Variants in PHLDB2 observed in about 807,000 individuals in gnomAD.
PHLDB2 encodes pleckstrin homology like domain family B member 2, also known as pleckstrin homology-like domain family B member 2.
PHLDB2 carries 71 observed loss-of-function variants against 123.6 expected under a neutral mutation model. That is an observed-to-expected ratio of 0.57 (90% CI 0.47 to 0.70). PHLDB2 has a LOEUF of 0.70. PHLDB2 is among the 30% of genes least tolerant of loss of function. The pLI, the probability that PHLDB2 is intolerant of heterozygous loss-of-function variation, is 0.00. For synonymous variants in PHLDB2, 547 were observed against 541.6 expected (o/e 1.01, Z -0.14); for missense variants, 1,446 against 1,519.5 (o/e 0.95, Z 0.80).
Position 111,880,895 on chromosome 3 carries a change from A to AT in PHLDB2, c.-14-3163dup, listed in dbSNP as rs1287917311. ...AAGCTGCTTTTCCTGTTATCTTGCT[A>AT]TTTTTTCGGCCAAATCTGTTTCTAA... On this transcript the variant is annotated intron_variant, in intron 1 of 17. Transcript: ENST00000431670. Among the ~76,000 whole-genome samples, 4 of 151,974 alleles carry AT rather than the reference A, an allele frequency of 2.6e-5. No homozygotes were observed. The East Asian group carries it at 7.7e-4, about 29-fold the overall frequency.
upstream of PHLDB2, among the ~76,000 whole-genome samples, chr3:111,857,602 T>C (rs781287888): frequency 4.6e-5 from 7 of 152,088 alleles, no homozygotes; most frequent in South Asian, 2.1e-4. Context: ...TGTTTAACTG[T>C]TGGATTGATC....
At chr3:111,881,300 G>A (rs957963664) in intron 1 of PHLDB2, among the ~76,000 whole-genome samples, 3 of 152,150 alleles carry the variant, frequency 2.0e-5, no homozygotes. Context: ...GTTGTGACTT[G>A]TCTCTGCTTC....
At chr3:111,874,805 A>T (rs560635747) in intron 1 of PHLDB2, among the ~76,000 whole-genome samples, 19 of 152,352 alleles carry the variant, frequency 1.2e-4, no homozygotes, top group African/African-American at 4.6e-4. Context: ...GATAAACAGT[A>T]GGCATGGATT....
chr3:111,841,178 CA>C (rs1482643044), intron 1 of PHLDB2, among the ~76,000 whole-genome samples: 1 of 152,212 alleles, frequency 6.6e-6, no homozygotes, highest in East Asian at 1.9e-4. Flanking sequence ...TGGCTCACTG[CA>C]ACCTCTGCCT....
intron 1 of PHLDB2, among the ~76,000 whole-genome samples, chr3:111,823,279 T>A (rs146541348): frequency 1.9e-3 from 287 of 152,344 alleles, no homozygotes; most frequent in African/African-American, 6.5e-3. Context: ...TGTTCAATAA[T>A]TTGCATATAC....
At chr3:111,756,715 C>T (rs954399998) in intron 1 of PHLDB2, among the ~76,000 whole-genome samples, 32 of 152,110 alleles carry the variant, frequency 2.1e-4, no homozygotes, top group African/African-American at 7.0e-4. Flanking sequence ...TTATTTTGCT[C>T]GTTAGTGGAT....
At chr3:111,841,112 A>G (rs1218483640) in intron 1 of PHLDB2, among the ~76,000 whole-genome samples, 2 of 151,920 alleles carry the variant, frequency 1.3e-5, no homozygotes, top group Admixed American at 6.6e-5. Context: ...TTGTGTATTT[A>G]TTTTTGAGAC....
At chr3:111,918,953 T>C in intron 3 of PHLDB2, 119 bp from the exon 4 acceptor site, 1 of 1,053,788 alleles carries the variant, frequency 9.5e-7, no homozygotes, top group East Asian at 2.4e-5. Flanking sequence ...GGGATGCTTT[T>C]AAAATCTACA....
chr3:111,812,722 C>A (rs2061895746), intron 1 of PHLDB2, among the ~76,000 whole-genome samples: 2 of 152,322 alleles, frequency 1.3e-5, no homozygotes, highest in South Asian at 4.1e-4. Context: ...TCATCAAATA[C>A]CACTAGCCTT....
intron 2 of PHLDB2, among the ~76,000 whole-genome samples, chr3:111,912,402 A>G (rs1370636946): frequency 6.6e-6 from 1 of 152,216 alleles, no homozygotes. Flanking sequence ...TTTTCTAGCT[A>G]AATTAATCAA....
intron 1 of PHLDB2, among the ~76,000 whole-genome samples, chr3:111,737,961 A>T (rs2059538324): frequency 6.6e-6 from 1 of 152,178 alleles, no homozygotes; most frequent in Non-Finnish European, 1.5e-5. Context: ...TCAAGAGAAG[A>T]GAAAACCCAG....
At chr3:111,900,886 C>T (rs2107443901) in intron 2 of PHLDB2, among the ~76,000 whole-genome samples, 1 of 145,832 alleles carries the variant, frequency 6.9e-6, no homozygotes, top group Non-Finnish European at 1.5e-5. Flanking sequence ...GAAGACATGC[C>T]ATTGTTTGTT....
intron 5 of PHLDB2, among the ~76,000 whole-genome samples, chr3:111,926,543 T>C (rs1420727744): frequency 6.6e-6 from 1 of 152,180 alleles, no homozygotes; most frequent in East Asian, 1.9e-4. Context: ...GCTATTTTTT[T>C]TCTCGTAGTT....
intron 2 of PHLDB2, among the ~76,000 whole-genome samples, chr3:111,901,610 A>G (rs2067210759): frequency 6.6e-6 from 1 of 152,182 alleles, no homozygotes; most frequent in Admixed American, 6.5e-5. Flanking sequence ...ATTGAACTAA[A>G]GTATTTTAAT....
At chr3:111,841,214 C>T (rs1316470701) in intron 1 of PHLDB2, among the ~76,000 whole-genome samples, 1 of 152,190 alleles carries the variant, frequency 6.6e-6, no homozygotes, top group Non-Finnish European at 1.5e-5. Context: ...ATTCTCATCC[C>T]TCAGCCTCCT....
At chr3:111,883,427 C>A (rs1431860393) in intron 1 of PHLDB2, among the ~76,000 whole-genome samples, 1 of 152,128 alleles carries the variant, frequency 6.6e-6, no homozygotes, top group Admixed American at 6.5e-5. Context: ...AATATACCAT[C>A]CCGACCATGT....
intron 6 of PHLDB2, among the ~76,000 whole-genome samples, chr3:111,935,234 G>A (rs568392296): frequency 3.3e-5 from 5 of 151,324 alleles, no homozygotes; most frequent in African/African-American, 1.2e-4. Flanking sequence ...TGAGCAGCTG[G>A]GACTACAGGC....
At chr3:111,895,804 G>A (rs1577023164) in intron 2 of PHLDB2, among the ~76,000 whole-genome samples, 2 of 151,914 alleles carry the variant, frequency 1.3e-5, no homozygotes, top group Admixed American at 6.6e-5. Context: ...AGCCGAGATC[G>A]AGCCATTGCA....
intron 11 of PHLDB2, among the ~76,000 whole-genome samples, 181 bp downstream of exon 11, chr3:111,952,893 G>A (rs2070801116): frequency 6.6e-6 from 1 of 152,174 alleles, no homozygotes; most frequent in South Asian, 2.1e-4. Context: ...GAAACTGTAT[G>A]CTCTGGGGCC....
Sources: allele counts gnomAD v4.1 joint callset (sites outside exome capture counted in the v4.1 genomes callset), GRCh38; gene constraint gnomAD v4.1.1; transcripts MANE v1.5; gene names NCBI Gene and HGNC (gene_info 2026-07-23, HGNC 2026-07-21).